The following AGPAT5 variants were observed in gnomAD, a reference collection of about 807,000 sequenced individuals.
The protein encoded by AGPAT5 is 1-acyl-sn-glycerol-3-phosphate acyltransferase epsilon.
AGPAT5 carries 46 observed loss-of-function variants against 45.6 expected under a neutral mutation model. That is an observed-to-expected ratio of 1.01 (90% CI 0.80 to 1.29). AGPAT5 has a LOEUF of 1.29. Ranked by LOEUF, AGPAT5 falls within the 50% of genes most tolerant of loss-of-function variation. AGPAT5 has a pLI of 0.00. For synonymous variants in AGPAT5, 272 were observed against 167.0 expected, an observed-to-expected ratio of 1.63 and a Z score of -4.85; for missense variants, 673 against 450.7, an observed-to-expected ratio of 1.49 and a Z score of -4.47.
intron 6 of AGPAT5, among the ~76,000 whole-genome samples, chr8:6,750,913 G>C (rs1429219582): frequency 2.0e-5 from 3 of 152,164 alleles, no homozygotes; most frequent in Non-Finnish European, 1.5e-5. Context: ...TTTAGATTTA[G>C]CATTCCCGCT....
At chr8:6,715,129 A>G (rs1342766022) in intron 1 of AGPAT5, among the ~76,000 whole-genome samples, 1 of 152,174 alleles carries the variant, frequency 6.6e-6, no homozygotes, top group Admixed American at 6.5e-5. Flanking sequence ...TTGATAGACA[A>G]TGTACCTGCC....
chr8:6,722,976 A>C (rs1800558556), intron 1 of AGPAT5, among the ~76,000 whole-genome samples: 1 of 152,226 alleles, frequency 6.6e-6, no homozygotes, highest in East Asian at 1.9e-4. Context: ...CTTGTGCCTT[A>C]TTTTGAAGTG....
intron 6 of AGPAT5, among the ~76,000 whole-genome samples, chr8:6,753,903 A>T (rs1801739473): frequency 6.6e-6 from 1 of 152,230 alleles, no homozygotes; most frequent in Non-Finnish European, 1.5e-5. Context: ...CACTGAAGTC[A>T]AGAAGAGCAG....
intron 1 of AGPAT5, among the ~76,000 whole-genome samples, chr8:6,723,620 T>G (rs1800582299): frequency 6.6e-6 from 1 of 152,236 alleles, no homozygotes; most frequent in Non-Finnish European, 1.5e-5. Flanking sequence ...CGATGTCACT[T>G]TTAACTCTGA....
At chr8:6,752,228 A>G (rs1427644056) in intron 6 of AGPAT5, among the ~76,000 whole-genome samples, 1 of 152,200 alleles carries the variant, frequency 6.6e-6, no homozygotes. Flanking sequence ...AAGAAGAAGG[A>G]AAAATCTCCA....
chr8:6,745,175 A>C (rs1200679076), intron 5 of AGPAT5: 1 of 154,054 alleles, frequency 6.5e-6, no homozygotes, highest in Non-Finnish European at 1.5e-5. Flanking sequence ...AAACTGCTGA[A>C]GCTGCCATGT....
chr8:6,708,968 C>T (rs1183016388), intron 1 of AGPAT5, 81 bp downstream of exon 1: 1 of 1,389,034 alleles, frequency 7.2e-7, no homozygotes, highest in Non-Finnish European at 9.9e-7. Flanking sequence ...CCACAGCTGG[C>T]GAGGGTCACC....
rs1199597985 is a variant in AGPAT5, at chr8:6,757,272, A to T, written c.979A>T (p.Ile327Phe). 8.1e-6 allele frequency: 13 copies of T among 1,614,182 alleles called. No individual in the cohort carries two copies. The East Asian group carries it at 2.7e-4, about 33-fold the overall frequency. The change falls in exon 8 of 8, where the codon ATC (isoleucine) becomes TTC (phenylalanine). Residue 327 changes from isoleucine (I) to phenylalanine (F), a missense_variant. Physicochemically the swap from Ile to Phe is conservative, Grantham distance 21. Coordinates refer to ENST00000285518, the MANE Select transcript of AGPAT5 (RefSeq NM_018361.5). ...SIKKTLPSML[I>F]LSGLTAGMLM... ...CAAGAAGACTTTACCATCAATGTTG[A>T]TCTTAAGTGGTTTGACTGCAGGCAT... is the stretch of plus-strand genomic sequence containing the variant.
At chr8:6,717,526 G>C (rs958328432) in intron 1 of AGPAT5, among the ~76,000 whole-genome samples, 1 of 152,212 alleles carries the variant, frequency 6.6e-6, no homozygotes, top group Non-Finnish European at 1.5e-5. Flanking sequence ...AGTGCAGAAA[G>C]ATGTCACTTA....
chr8:6,746,090 C>T (rs537452600), intron 5 of AGPAT5: 2 of 152,154 alleles, frequency 1.3e-5, no homozygotes, highest in African/African-American at 4.8e-5. Flanking sequence ...TTCTCCCTCC[C>T]TCTCTTCCTT....
At chr8:6,720,039 G>C (rs3780081) in intron 1 of AGPAT5, among the ~76,000 whole-genome samples, 1 of 152,132 alleles carries the variant, frequency 6.6e-6, no homozygotes, top group Non-Finnish European at 1.5e-5. Flanking sequence ...AAAGCCAACT[G>C]TGAGAGACAT....
chr8:6,717,279 T>G, intron 1 of AGPAT5, among the ~76,000 whole-genome samples: 1 of 152,178 alleles, frequency 6.6e-6, no homozygotes, highest in East Asian at 1.9e-4. Flanking sequence ...TTGAAGATTT[T>G]AGAGTACTTA....
At position 6,730,754 on chromosome 8, in the gene AGPAT5, G is replaced by A. The variant is rs753719874; in HGVS notation, c.333G>A (p.Ala111=). The change falls in exon 3 of 8, where the codon GCG becomes GCA. Residue 111 remains alanine, a synonymous_variant. Transcript: ENST00000285518. ...VADILAIRQN[A]LGHVRYVLKE... is the part of the protein sequence containing the mutation. ...ACATCTTGGCCATCAGGCAGAATGCGCTAGGACATGTGCGCTACGTGCTGA... is the reference window on the plus strand; with the variant it reads ...ACATCTTGGCCATCAGGCAGAATGCACTAGGACATGTGCGCTACGTGCTGA... 20 of 1,613,486 alleles carry A rather than the reference G, an allele frequency of 1.2e-5. No individual in the cohort carries two copies. Among genetic ancestry groups the A allele is most frequent in the East Asian group, 2.2e-5 (1 of 44,886 alleles).
At chr8:6,750,034 G>T (rs1280531445) in intron 6 of AGPAT5, among the ~76,000 whole-genome samples, 2 of 152,208 alleles carry the variant, frequency 1.3e-5, no homozygotes, top group Non-Finnish European at 2.9e-5. Flanking sequence ...GTAGTTGAAG[G>T]CTTTGTGTGG....
At chr8:6,739,452 T>C (rs1801164923) in intron 4 of AGPAT5, among the ~76,000 whole-genome samples, 2 of 152,116 alleles carry the variant, frequency 1.3e-5, no homozygotes, top group South Asian at 4.1e-4. Context: ...GTCTTCTTTA[T>C]TTATCTCAGT....
intron 5 of AGPAT5, chr8:6,745,844 G>A (rs1266503268): frequency 3.3e-5 from 5 of 151,578 alleles, no homozygotes; most frequent in African/African-American, 7.3e-5. Context: ...GCTTAGCTTC[G>A]GTTGATTCTT....
At chr8:6,749,671 G>A (rs1420102058) in intron 6 of AGPAT5, among the ~76,000 whole-genome samples, 2 of 152,052 alleles carry the variant, frequency 1.3e-5, no homozygotes, top group African/African-American at 4.8e-5. Flanking sequence ...TTAAACTATC[G>A]AAGGAGTTAC....
intron 6 of AGPAT5, among the ~76,000 whole-genome samples, chr8:6,749,083 A>G (rs1235910556): frequency 6.6e-6 from 1 of 152,254 alleles, no homozygotes; most frequent in Admixed American, 6.5e-5. Context: ...GCACCGTTAC[A>G]TTATCTAACA....
At chr8:6,713,505 G>C (rs188598780) in intron 1 of AGPAT5, among the ~76,000 whole-genome samples, 8 of 152,260 alleles carry the variant, frequency 5.3e-5, no homozygotes, top group African/African-American at 1.7e-4. Flanking sequence ...AGAAGATAAA[G>C]AATTTAAGAT....
Sources: allele counts gnomAD v4.1 joint callset (sites outside exome capture counted in the v4.1 genomes callset), GRCh38; gene constraint gnomAD v4.1.1; transcripts MANE v1.5; gene names NCBI Gene and HGNC (gene_info 2026-07-23, HGNC 2026-07-21).